SMARCAD1: variants seen among roughly 807,000 people sequenced by gnomAD.
SMARCAD1 encodes the protein SNF2 related chromatin remodeling ATPase with DExD box 1.
In SMARCAD1, 25 loss-of-function variants were observed where a neutral mutation model predicts 127.1. The observed-to-expected ratio is 0.20, with a 90% CI of 0.14 to 0.27. SMARCAD1 has a LOEUF of 0.27. Among genes scored for constraint, SMARCAD1 ranks in the 10% least tolerant of loss-of-function variants. SMARCAD1 has a pLI of 1.00. For synonymous variants in SMARCAD1, 400 were observed against 396.9 expected (o/e 1.01, Z -0.09); for missense variants, 807 against 1,206.0 (o/e 0.67, Z 4.90).
chr4:94,289,433 T>C, intron 23 of SMARCAD1, 40 bp from the exon 24 acceptor site: 1 of 1,553,344 alleles, frequency 6.4e-7, no homozygotes, highest in Non-Finnish European at 8.9e-7. Flanking sequence ...TTAAGTAAAA[T>C]ATTTTTATAA....
intron 3 of SMARCAD1, among the ~76,000 whole-genome samples, chr4:94,232,680 T>C (rs2664894): frequency 0.55 from 83,493 of 152,010 alleles, 23,445 homozygotes; most frequent in East Asian, 0.72. Flanking sequence ...TGGCTAGGCA[T>C]GGTGGCTCAC....
chr4:94,286,268 T>TC (rs538775387), intron 23 of SMARCAD1, among the ~76,000 whole-genome samples: 28 of 152,118 alleles, frequency 1.8e-4, no homozygotes, highest in Non-Finnish European at 2.6e-4. Context: ...AGCAGCCTCT[T>TC]TCTTCTCTTC....
chr4:94,260,359 T>C (rs1468755207), intron 9 of SMARCAD1, among the ~76,000 whole-genome samples: 2 of 152,182 alleles, frequency 1.3e-5, no homozygotes, highest in Non-Finnish European at 2.9e-5. Context: ...TTTTTTTTAT[T>C]TTGAGACAGT....
In SMARCAD1 at chr4:94,278,988, T is replaced by C; in HGVS notation, c.2356T>C (p.Leu786=). The C allele has an allele frequency of 6.2e-7, 1 of 1,614,134 alleles. No homozygotes were observed. Among genetic ancestry groups the C allele is most frequent in the Non-Finnish European group, 8.5e-7 (1 of 1,180,014 alleles). ...MQLRKMANHP[L]LHRQYYTAEK... ...GTTGAGGAAAATGGCCAATCATCCT[T>C]TATTACATCGCCAATATTACACAGC... is the stretch of plus-strand genomic sequence containing the variant. Residue 786 remains leucine (L), a synonymous_variant, in exon 19 of 24, where the codon TTA becomes CTA. Coordinates refer to ENST00000354268, the MANE Select transcript of SMARCAD1 (RefSeq NM_020159.5).
chr4:94,278,265 C>T (rs1280040953), intron 16 of SMARCAD1, among the ~76,000 whole-genome samples, 157 bp from the exon 17 acceptor site: 3 of 152,106 alleles, frequency 2.0e-5, no homozygotes, highest in South Asian at 2.1e-4. Context: ...CATGGCAGCC[C>T]AGAATTCAGA....
chr4:94,247,344 T>C (rs1444645247), intron 6 of SMARCAD1, among the ~76,000 whole-genome samples: 1 of 152,124 alleles, frequency 6.6e-6, no homozygotes, highest in Non-Finnish European at 1.5e-5. Context: ...CAGCTAGCTT[T>C]TGTAAAGTGT....
intron 6 of SMARCAD1, among the ~76,000 whole-genome samples, chr4:94,248,151 A>G (rs183969484): frequency 4.7e-4 from 72 of 152,310 alleles, no homozygotes; most frequent in Admixed American, 2.0e-3. Flanking sequence ...TTCCAGCTAC[A>G]TCTGTGTTGC....
At chr4:94,219,465 A>G (rs563884082) in intron 2 of SMARCAD1, among the ~76,000 whole-genome samples, 1 of 152,104 alleles carries the variant, frequency 6.6e-6, no homozygotes, top group African/African-American at 2.4e-5. Context: ...CCGAAAAGGT[A>G]AAACCAGTGG....
intron 2 of SMARCAD1, among the ~76,000 whole-genome samples, chr4:94,218,991 T>A (rs765401237): frequency 3.9e-5 from 6 of 151,986 alleles, no homozygotes; most frequent in Non-Finnish European, 7.4e-5. Flanking sequence ...TTTGTGTTTT[T>A]AGTAGGGACA....
intron 2 of SMARCAD1, among the ~76,000 whole-genome samples, chr4:94,210,039 A>T (rs754007653): frequency 2.0e-5 from 3 of 152,204 alleles, no homozygotes; most frequent in Non-Finnish European, 4.4e-5. Flanking sequence ...CAGTTTGTAA[A>T]CTGGATTTCA....
chr4:94,231,795 G>C (rs79932329), intron 3 of SMARCAD1, among the ~76,000 whole-genome samples: 2,663 of 151,482 alleles, frequency 0.018, 80 homozygotes, highest in African/African-American at 0.062. Flanking sequence ...ATCTAGAATG[G>C]GCCACTCCCC....
At chr4:94,217,243 A>G (rs1260822690) in intron 2 of SMARCAD1, among the ~76,000 whole-genome samples, 1 of 152,170 alleles carries the variant, frequency 6.6e-6, no homozygotes, top group Non-Finnish European at 1.5e-5. Context: ...TCCTTTGTTC[A>G]TTATTCACCA....
Position 94,208,287 on chromosome 4 carries a change from G to A in SMARCAD1, c.-49-59G>A, listed in dbSNP as rs763236343. The A allele has an allele frequency of 4.3e-6, 5 of 1,165,434 alleles. No individual in the cohort carries two copies. In the Admixed American group the frequency reaches 6.7e-5, roughly 16 times the overall value. 72.2% of individuals were successfully genotyped at this position (1,165,434 alleles called of 1,614,324 possible). ...ATTGCCTTGGGAATAAACTGCTGTG[G>A]CATTGTATCGTATATTGTTTTCATG... On this transcript the variant is annotated intron_variant, in intron 1 of 23. Coordinates refer to ENST00000354268, the MANE Select transcript of SMARCAD1 (RefSeq NM_020159.5).
intron 21 of SMARCAD1, among the ~76,000 whole-genome samples, chr4:94,281,946 G>A (rs67552174): frequency 0.37 from 55,392 of 150,872 alleles, 11,365 homozygotes; most frequent in East Asian, 0.71. Context: ...GGCTGAGGTG[G>A]GAGGATTGTT....
Position 94,290,322 on chromosome 4 carries a change from AACTGT to A in SMARCAD1, c.*789_*793del. 2.2e-6 allele frequency: 1 copy of A among 454,436 alleles called. No individual in the cohort carries two copies. The highest frequency in any genetic ancestry group is 1.6e-5 in the South Asian group (1 of 64,468). 28.2% of individuals were successfully genotyped at this position (454,436 alleles called of 1,614,324 possible). A position where few individuals can be genotyped will look rare whatever the true frequency, so the allele number is the denominator to read the frequency against. On this transcript the variant is annotated 3_prime_UTR_variant, in exon 24 of 24. Coordinates refer to ENST00000354268, the MANE Select transcript of SMARCAD1 (RefSeq NM_020159.5). ...CTCTCCCGGCTTTTGCTTCTCTTGA[AACTGT>A]TGCCCAGTCACTTCTGCTCCAATTC...
chr4:94,275,680 T>G lies in SMARCAD1; in HGVS notation c.1809-659T>G, dbSNP rs144778692. On this transcript the variant is annotated intron_variant, in intron 14 of 23. Transcript: ENST00000354268. ...AGAGAAACATGTTTTAGCTTCACGT[T>G]CTTTTTTGTGCTTATTAAAATATAA... Among the ~76,000 whole-genome samples the G allele has an allele frequency of 2.6e-3, 403 of 152,318 alleles. 3 individuals carry two copies. The highest frequency in any genetic ancestry group is 3.3e-3 in the Non-Finnish European group (226 of 68,016).
intron 10 of SMARCAD1, among the ~76,000 whole-genome samples, chr4:94,267,632 CT>C (rs1751933748): frequency 6.6e-6 from 1 of 151,678 alleles, no homozygotes; most frequent in African/African-American, 2.4e-5. Flanking sequence ...TTTTTTTCCC[CT>C]AACAAAACAA....
At chr4:94,215,263 G>C (rs143860571) in intron 2 of SMARCAD1, among the ~76,000 whole-genome samples, 1 of 152,274 alleles carries the variant, frequency 6.6e-6, no homozygotes, top group African/African-American at 2.4e-5. Context: ...GTGCTGAATT[G>C]TTGTAACAGA....
chr4:94,288,145 A>G (rs148764672), intron 23 of SMARCAD1, among the ~76,000 whole-genome samples: 36 of 152,312 alleles, frequency 2.4e-4, no homozygotes, highest in Non-Finnish European at 2.9e-4. Flanking sequence ...TTTATTTTCA[A>G]TATCACAGCA....
Sources: gnomAD v4.1 joint callset for allele counts (sites outside exome capture counted in the v4.1 genomes callset) on GRCh38, gnomAD v4.1.1 for gene constraint, MANE v1.5 for transcripts, NCBI Gene and HGNC (gene_info 2026-07-23, HGNC 2026-07-21) for gene names.